The following ARHGAP28 variants were observed in gnomAD, a reference collection of about 807,000 sequenced individuals.
ARHGAP28 encodes rho GTPase-activating protein 28.
In ARHGAP28, 56 loss-of-function variants were observed where a neutral mutation model predicts 90.7. That is an observed-to-expected ratio of 0.62 (90% CI 0.50 to 0.77). ARHGAP28 has a LOEUF of 0.77. ARHGAP28 is among the 30% of genes least tolerant of loss of function. The probability of loss-of-function intolerance (pLI) is 0.00; values close to 1 mark genes in which losing one functional copy is unlikely to be tolerated. For missense variants in ARHGAP28, 869 were observed against 900.9 expected (o/e 0.96, Z 0.45); for synonymous variants, 308 against 323.3 (o/e 0.95, Z 0.51).
intron 1 of ARHGAP28, among the ~76,000 whole-genome samples, chr18:6,823,239 G>A (rs1567958965): frequency 6.6e-6 from 1 of 151,866 alleles, no homozygotes; most frequent in African/African-American, 2.4e-5. Context: ...CCTATCCTCT[G>A]GAAGTAGCCA....
At chr18:6,736,075 T>C (rs1363600137) in intron 1 of ARHGAP28, among the ~76,000 whole-genome samples, 1 of 152,244 alleles carries the variant, frequency 6.6e-6, no homozygotes, top group Non-Finnish European at 1.5e-5. Context: ...TGTGGAAATA[T>C]CCTTTTTCTC....
At chr18:6,873,845 A>G in intron 9 of ARHGAP28, 70 bp downstream of exon 9, 1 of 1,284,588 alleles carries the variant, frequency 7.8e-7, no homozygotes, top group East Asian at 2.5e-5. Flanking sequence ...TTGTAAACCC[A>G]CAAATGAATT....
At chr18:6,865,574 A>C (rs960965745) in intron 5 of ARHGAP28, among the ~76,000 whole-genome samples, 2 of 152,208 alleles carry the variant, frequency 1.3e-5, no homozygotes, top group East Asian at 3.9e-4. Context: ...ACCATGGGCA[A>C]AAACCAAACA....
chr18:6,731,291 C>CGT (rs60399521), intron 1 of ARHGAP28, among the ~76,000 whole-genome samples: 55,988 of 149,424 alleles, frequency 0.37, 10,853 homozygotes, highest in East Asian at 0.54. Context: ...TATATGTGTG[C>CGT]GTGTGTGTGT....
rs550334331 is a variant in ARHGAP28, at chr18:6,737,039, A to G, written c.122+7096A>G. ...CAATTTTGTTTCTGAGGTAATTGCC[A>G]TGTTCTTATTTCTCAACCATATGGT... On this transcript the variant is annotated intron_variant, in intron 1 of 17. Coordinates refer to ENST00000383472, the MANE Select transcript of ARHGAP28 (RefSeq NM_001366230.1). Among the ~76,000 whole-genome samples the G allele has an allele frequency of 3.3e-5, 5 of 152,282 alleles. No homozygotes were observed. In the East Asian group the frequency reaches 5.8e-4, roughly 18 times the overall value.
chr18:6,770,777 G>A (rs1363035051), intron 1 of ARHGAP28, among the ~76,000 whole-genome samples: 1 of 152,022 alleles, frequency 6.6e-6, no homozygotes, highest in Non-Finnish European at 1.5e-5. Flanking sequence ...GAGGGAAGAG[G>A]TGTGGGAGGT....
At chr18:6,849,252 C>CAAAAA (rs35080791) in intron 3 of ARHGAP28, among the ~76,000 whole-genome samples, 2,710 of 88,166 alleles carry the variant, frequency 0.031, 30 homozygotes, top group Non-Finnish European at 0.051. Context: ...GACCTTGTCT[C>CAAAAA]AAAAAAAAAA....
chr18:6,848,202 C>G (rs1349630975), intron 3 of ARHGAP28, among the ~76,000 whole-genome samples: 1 of 152,172 alleles, frequency 6.6e-6, no homozygotes, highest in Non-Finnish European at 1.5e-5. Context: ...CAGTTGCCAG[C>G]CCAGGGGCCT....
chr18:6,837,673 C>T (rs1341450354), intron 3 of ARHGAP28, among the ~76,000 whole-genome samples: 7 of 152,090 alleles, frequency 4.6e-5, no homozygotes, highest in African/African-American at 1.7e-4. Flanking sequence ...ACTTCTTTGG[C>T]AGTGGAACAA....
intron 1 of ARHGAP28, among the ~76,000 whole-genome samples, chr18:6,740,017 G>A (rs1455274866): frequency 1.3e-5 from 2 of 151,954 alleles, no homozygotes; most frequent in African/African-American, 4.8e-5. Flanking sequence ...ACCACACTCG[G>A]CTAATTTTGT....
chr18:6,742,098 AT>A (rs1388125002), intron 1 of ARHGAP28, among the ~76,000 whole-genome samples: 17 of 152,128 alleles, frequency 1.1e-4, no homozygotes, highest in African/African-American at 3.4e-4. Context: ...AGTTGGTATA[AT>A]TTGGTGATTA....
At chr18:6,789,620 T>G (rs1227412792) in intron 1 of ARHGAP28, 1 of 152,132 alleles carries the variant, frequency 6.6e-6, no homozygotes, top group African/African-American at 2.4e-5. Flanking sequence ...TCACCAGAGA[T>G]CACCACCACT....
At position 6,859,908 on chromosome 18, in the gene ARHGAP28, C is replaced by T. The variant is rs1456686404; in HGVS notation, c.726+11C>T. 1 of 1,609,690 alleles carries T rather than the reference C, an allele frequency of 6.2e-7. No homozygotes were observed. The highest frequency in any genetic ancestry group is 1.7e-5 in the Admixed American group (1 of 59,948). On this transcript the variant is annotated intron_variant, in intron 5 of 17. Transcript: ENST00000383472. ...AGGAGTGACTCTGTGGTAAGTCATCCATGTCAGCACAGTTACATGTCAAGG... is the reference window on the plus strand; with the variant it reads ...AGGAGTGACTCTGTGGTAAGTCATCTATGTCAGCACAGTTACATGTCAAGG...
At chr18:6,833,325 C>T (rs2056729487) in intron 2 of ARHGAP28, among the ~76,000 whole-genome samples, 2 of 151,918 alleles carry the variant, frequency 1.3e-5, no homozygotes, top group Admixed American at 1.3e-4. Context: ...TACTATCATC[C>T]AGTCCTCAGA....
intron 1 of ARHGAP28, among the ~76,000 whole-genome samples, chr18:6,802,722 T>G (rs2056491359): frequency 6.6e-6 from 1 of 152,184 alleles, no homozygotes. Flanking sequence ...ACATAACATC[T>G]TAAAATACTA....
At chr18:6,775,476 CT>C (rs1317098779) in intron 1 of ARHGAP28, among the ~76,000 whole-genome samples, 2 of 152,006 alleles carry the variant, frequency 1.3e-5, no homozygotes, top group Non-Finnish European at 2.9e-5. Flanking sequence ...TGAAATATTG[CT>C]TGTTTTCATA....
At chr18:6,908,399 A>C (rs2143858850) in intron 16 of ARHGAP28, among the ~76,000 whole-genome samples, 1 of 152,222 alleles carries the variant, frequency 6.6e-6, no homozygotes, top group African/African-American at 2.4e-5. Context: ...TCAACCTCCC[A>C]AAATGCTAGA....
At chr18:6,768,060 T>C (rs997254057) in intron 1 of ARHGAP28, among the ~76,000 whole-genome samples, 2 of 152,190 alleles carry the variant, frequency 1.3e-5, no homozygotes, top group African/African-American at 4.8e-5. Context: ...AATTTATTGG[T>C]CTCTTGTTCT....
chr18:6,747,655 T>C (rs2056034198), intron 1 of ARHGAP28, among the ~76,000 whole-genome samples: 1 of 152,192 alleles, frequency 6.6e-6, no homozygotes, highest in African/African-American at 2.4e-5. Flanking sequence ...CTTTTAGTGC[T>C]CTTGAAGAGT....
Sources: allele counts gnomAD v4.1 joint callset (sites outside exome capture counted in the v4.1 genomes callset), GRCh38; gene constraint gnomAD v4.1.1; transcripts MANE v1.5; gene names NCBI Gene and HGNC (gene_info 2026-07-23, HGNC 2026-07-21).